Variants in MX1 observed in about 807,000 individuals in gnomAD.
MX1 encodes interferon-induced GTP-binding protein Mx1.
MX1 carries 66 observed loss-of-function variants against 66.4 expected under a neutral mutation model. The ratio of observed to expected loss-of-function variants is 0.99; its 90% CI spans 0.82 to 1.22. The LOEUF (loss-of-function observed/expected upper bound fraction) is 1.22, where lower values mean the gene tolerates loss of function less well. Ranked by LOEUF, MX1 falls within the 50% of genes most tolerant of loss-of-function variation. The pLI is 0.00. For synonymous variants in MX1, 311 were observed against 318.1 expected (o/e 0.98, Z 0.24); for missense variants, 787 against 834.3 (o/e 0.94, Z 0.70).
At chr21:41,438,237 G>A (rs534014304) in intron 7 of MX1, among the ~76,000 whole-genome samples, 7 of 152,370 alleles carry the variant, frequency 4.6e-5, no homozygotes, top group South Asian at 2.1e-4. Flanking sequence ...TTGACAAACC[G>A]TGATTTTGAA....
In MX1 at chr21:41,452,873, C is replaced by T. The variant is rs370150560; in HGVS notation, c.1758+4C>T. 5.1e-5 allele frequency: 82 copies of T among 1,613,274 alleles called. No individual in the cohort carries two copies. The African/African-American group carries it at 9.1e-4, about 18-fold the overall frequency. ...GCACCTGATGGCCTATCACCAGGTA[C>T]GTCTTCGCGTGGTTCAGGATGCCAG... On this transcript the variant is annotated splice_donor_region_variant and intron_variant, in intron 16 of 16. Coordinates refer to ENST00000398598, the MANE Select transcript of MX1 (RefSeq NM_002462.5).
chr21:41,436,869 C>T (rs1357877379), intron 6 of MX1, 146 bp from the exon 7 acceptor site: 8 of 923,322 alleles, frequency 8.7e-6, no homozygotes, highest in East Asian at 2.6e-5. Context: ...GCGATGTCCC[C>T]GCATATCAGA....
chr21:41,446,096 G>A lies in MX1; in HGVS notation c.1228G>A (p.Glu410Lys), dbSNP rs368516551. ...DIRLFTRLRHEFHKWSTIIEN... is the reference protein window; with the variant it reads ...DIRLFTRLRHKFHKWSTIIEN... ...TCGGCTGTTTACCAGACTCCGACAC[G>A]AGTTCCACAAATGGAGTACAATAAT... The change falls in exon 13 of 17, where the codon GAG becomes AAG. Residue 410 changes from glutamate to lysine, a missense_variant. By Grantham distance (56) the Glu-to-Lys change is moderately conservative. Coordinates refer to ENST00000398598, the MANE Select transcript of MX1 (RefSeq NM_002462.5). The A allele has an allele frequency of 1.4e-5, 22 of 1,614,064 alleles. No individual in the cohort carries two copies. The highest frequency in any genetic ancestry group is 2.2e-5 in the East Asian group (1 of 44,900).
Position 41,446,018 on chromosome 21 carries a change from C to A in MX1, c.1150C>A (p.Gln384Lys). The stretch of plus-strand genomic sequence containing the variant: ...TTGACAGAAAGTTAATGCCTTTAAT[C>A]AGGACATCACTGCTCTCATGCAAGG... ...FLIDKVNAFN[Q>K]DITALMQGEE... The change falls in exon 13 of 17, where the codon CAG becomes AAG. Residue 384 changes from glutamine (Q) to lysine (K), a missense_variant. Transcript: ENST00000398598. 1 of 1,613,966 alleles carries A rather than the reference C, an allele frequency of 6.2e-7. No homozygotes were observed. The highest frequency in any genetic ancestry group is 8.5e-7 in the Non-Finnish European group (1 of 1,179,866).
chr21:41,444,318 C>CTTTT (rs11317486), intron 11 of MX1, among the ~76,000 whole-genome samples: 28 of 71,544 alleles, frequency 3.9e-4, no homozygotes, highest in East Asian at 8.8e-4. Flanking sequence ...TCTTTTCTTT[C>CTTTT]TTTTTTTTTT....
chr21:41,452,076 C>A lies in MX1; in HGVS notation c.1510-545C>A, dbSNP rs923392284. Among the ~76,000 whole-genome samples the A allele has an allele frequency of 2.0e-5, 3 of 152,032 alleles. No homozygotes were observed. In the East Asian group the frequency reaches 5.8e-4, roughly 29 times the overall value. ...CATAAAAGAAGACTGATAAGGCCTT[C>A]CTCAGAAGGTTGAGATGGACGTGGA... On this transcript the variant is annotated intron_variant, in intron 15 of 16. Transcript: ENST00000398598.
At position 41,458,759 on chromosome 21, in the gene MX1, C is replaced by T. The variant is rs767950741; in HGVS notation, c.*1C>T. ...CCGGCTTGCCCAGTTCCCCGGTTAA[C>T]CACACTCTGTCCAGCCCCGTAGACG... On this transcript the variant is annotated 3_prime_UTR_variant, in exon 17 of 17. Transcript: ENST00000398598. 3.7e-6 allele frequency: 6 copies of T among 1,610,800 alleles called. 1 individual carries two copies. The South Asian group carries it at 6.6e-5, about 18-fold the overall frequency.
chr21:41,456,244 AAAAC>A (rs368769263), intron 16 of MX1, among the ~76,000 whole-genome samples: 34 of 152,320 alleles, frequency 2.2e-4, no homozygotes, highest in Middle Eastern at 3.4e-3. Context: ...ACTCCATCTC[AAAAC>A]AAACAAACAA....
At chr21:41,454,106 C>T (rs575882220) in intron 16 of MX1, among the ~76,000 whole-genome samples, 1 of 151,700 alleles carries the variant, frequency 6.6e-6, no homozygotes, top group Admixed American at 6.6e-5. Context: ...ATTCCCCCCC[C>T]ACAAAACATG....
At chr21:41,421,989 A>C (rs1238548843), upstream of MX1, 1 of 152,304 alleles carries the variant, frequency 6.6e-6, no homozygotes, top group African/African-American at 2.4e-5. Flanking sequence ...CTGTTGTCAG[A>C]GGTACACCCA....
upstream of MX1, among the ~76,000 whole-genome samples, chr21:41,424,615 C>A (rs1315838975): frequency 6.6e-6 from 1 of 152,102 alleles, no homozygotes; most frequent in Non-Finnish European, 1.5e-5. Flanking sequence ...CCAACCGCTC[C>A]CAAAGGGAAA....
rs376136763 is a variant in MX1 at position 41,443,814 on chromosome 21, C to T, written c.956C>T (p.Thr319Met). 5.4e-5 allele frequency: 87 copies of T among 1,614,226 alleles called. No individual in the cohort carries two copies. The African/African-American group carries it at 7.3e-4, about 14-fold the overall frequency. The change falls in exon 11 of 17, where the codon ACG (threonine) becomes ATG (methionine). Residue 319 changes from threonine to methionine, a missense_variant. Thr to Met is a moderately conservative substitution (Grantham distance 81, BLOSUM62 -1). Coordinates refer to ENST00000398598, the MANE Select transcript of MX1 (RefSeq NM_002462.5). ...GATCTGCTGGAGGAAGGAAAGGCCACGGTTCCCTGCCTGGCAGAAAAACTT... is the reference window on the plus strand; with the variant it reads ...GATCTGCTGGAGGAAGGAAAGGCCATGGTTCCCTGCCTGGCAGAAAAACTT... Reference protein sequence around the residue: ...FRDLLEEGKATVPCLAEKLTS... With the variant: ...FRDLLEEGKAMVPCLAEKLTS...
intron 6 of MX1, among the ~76,000 whole-genome samples, chr21:41,436,416 G>A (rs78554586): frequency 0.093 from 14,180 of 152,264 alleles, 1,217 homozygotes; most frequent in African/African-American, 0.21. Flanking sequence ...ATTTCATAAC[G>A]CTATCTCATT....
chr21:41,445,418 T>C, intron 11 of MX1, 30 bp from the exon 12 acceptor site: 1 of 1,612,890 alleles, frequency 6.2e-7, no homozygotes, highest in East Asian at 2.2e-5. Context: ...TCTTTACACA[T>C]TTCCATTATT....
At chr21:41,422,315 A>G (rs2090002189), upstream of MX1, among the ~76,000 whole-genome samples, 1 of 152,230 alleles carries the variant, frequency 6.6e-6, no homozygotes, top group Non-Finnish European at 1.5e-5. Context: ...GTTACCCTAC[A>G]TGTATGTCTA....
At position 41,441,829 on chromosome 21, in the gene MX1, G is replaced by A; in HGVS notation, c.844G>A (p.Gly282Ser). ...GGGTTACATGATTGTCAAGTGCCGGGGCCAGCAGGAGATCCAGGACCAGCT... is the reference window on the plus strand; with the variant it reads ...GGGTTACATGATTGTCAAGTGCCGGAGCCAGCAGGAGATCCAGGACCAGCT... ...KKGYMIVKCR[G>S]QQEIQDQLSL... Residue 282 changes from glycine (G) to serine (S), a missense_variant, in exon 10 of 17, where the codon GGC (glycine) becomes AGC (serine). Coordinates refer to ENST00000398598, the MANE Select transcript of MX1 (RefSeq NM_002462.5). The surrounding 1 kb of genome is among the most constrained non-coding windows in gnomAD (Gnocchi z 4.0). 6.2e-7 allele frequency: 1 copy of A among 1,614,156 alleles called. No individual in the cohort carries two copies. Among genetic ancestry groups the A allele is most frequent in the South Asian group, 1.1e-5 (1 of 91,086 alleles).
chr21:41,448,240 T>C (rs1490344769), intron 13 of MX1, among the ~76,000 whole-genome samples: 1 of 152,178 alleles, frequency 6.6e-6, no homozygotes, highest in Non-Finnish European at 1.5e-5. Flanking sequence ...TAAAGAAAAA[T>C]GCAGCATCTT....
chr21:41,442,594 A>G (rs468440), intron 10 of MX1: 75,157 of 152,090 alleles, frequency 0.49, 19,597 homozygotes, highest in Non-Finnish European at 0.59. Context: ...AAACATTCTT[A>G]CATTCAGTTC....
At chr21:41,447,789 G>A (rs1198594523) in intron 13 of MX1, among the ~76,000 whole-genome samples, 1 of 152,062 alleles carries the variant, frequency 6.6e-6, no homozygotes, top group Admixed American at 6.5e-5. Context: ...AGGCTGGGGT[G>A]CAGTGGCTCA....
Sources: allele counts gnomAD v4.1 joint callset (sites outside exome capture counted in the v4.1 genomes callset), GRCh38; gene constraint gnomAD v4.1.1; non-coding constraint Gnocchi (gnomAD v3.1); transcripts MANE v1.5; gene names NCBI Gene and HGNC (gene_info 2026-07-23, HGNC 2026-07-21).